PCDH19: variants seen among roughly 807,000 people sequenced by gnomAD.
The protein encoded by PCDH19 is protocadherin 19, also known as protocadherin-19.
A neutral mutation model predicts 46.2 loss-of-function variants in PCDH19; 6 were observed. The ratio of observed to expected loss-of-function variants is 0.13; its 90% confidence interval spans 0.07 to 0.26. The LOEUF (loss-of-function observed/expected upper bound fraction) is 0.26, where lower values mean the gene tolerates loss of function less well. Among genes scored for constraint, PCDH19 ranks in the 10% least tolerant of loss-of-function variants. The pLI is 1.00. For missense variants in PCDH19, 740 were observed against 972.3 expected, an observed-to-expected ratio of 0.76 and a Z score of 3.18; for synonymous variants, 481 against 415.7, an observed-to-expected ratio of 1.16 and a Z score of -1.91.
At chrX:100,357,658 T>G (rs944040447) in intron 3 of PCDH19, among the ~76,000 whole-genome samples, 5 of 112,028 alleles carry the variant, frequency 4.5e-5, no homozygotes, top group African/African-American at 1.3e-4. Context: ...GCCATCTAAT[T>G]TCCCTCATTT....
intron 5 of PCDH19, among the ~76,000 whole-genome samples, chrX:100,339,860 A>G (rs1028314191): frequency 5.3e-5 from 6 of 112,557 alleles, no homozygotes; most frequent in Non-Finnish European, 1.1e-4. Flanking sequence ...TGCAAATCAA[A>G]TAGTAAGAAA....
At chrX:100,358,179 A>G (rs1926773987) in intron 3 of PCDH19, among the ~76,000 whole-genome samples, 1 of 112,133 alleles carries the variant, frequency 8.9e-6, no homozygotes, top group Admixed American at 9.5e-5. Context: ...TGGTGACAAC[A>G]TATGATAGTG....
At chrX:100,399,393 A>C (rs1392440517) in intron 3 of PCDH19, among the ~76,000 whole-genome samples, 1 of 111,574 alleles carries the variant, frequency 9.0e-6, no homozygotes, top group East Asian at 2.8e-4. Flanking sequence ...CTATATTGCA[A>C]ATCACCTATT....
chrX:100,349,657 C>A (rs933720690), intron 4 of PCDH19, among the ~76,000 whole-genome samples: 8 of 112,403 alleles, frequency 7.1e-5, no homozygotes, highest in African/African-American at 2.6e-4. Context: ...CTCTAACATA[C>A]CCTGCTGGCC....
At chrX:100,363,765 T>G (rs1380347929) in intron 3 of PCDH19, among the ~76,000 whole-genome samples, 2 of 100,719 alleles carry the variant, frequency 2.0e-5, no homozygotes, top group African/African-American at 7.2e-5. Context: ...AAAATAAATA[T>G]ATTATATACC....
chrX:100,299,419 A>G (rs1264400362), intron 5 of PCDH19, among the ~76,000 whole-genome samples: 1 of 111,346 alleles, frequency 9.0e-6, no homozygotes, highest in Non-Finnish European at 1.9e-5. Flanking sequence ...GTTTTTTTCA[A>G]CAGCATTCAA....
chrX:100,386,098 A>G (rs1406142184), intron 3 of PCDH19, among the ~76,000 whole-genome samples: 1 of 111,347 alleles, frequency 9.0e-6, no homozygotes, highest in Admixed American at 9.6e-5. Context: ...GGTTGCAGGG[A>G]GCTTTTGTGT....
At chrX:100,318,438 T>C (rs1602580641) in intron 5 of PCDH19, among the ~76,000 whole-genome samples, 2 of 112,167 alleles carry the variant, frequency 1.8e-5, no homozygotes, top group East Asian at 5.6e-4. Context: ...GAGTCCAAGC[T>C]AGCCTTATCA....
rs1157437894 is a variant in PCDH19, at chrX:100,322,861, A to ATTTTTTT, written c.2848+19041_2848+19042insAAAAAAA. Among the ~76,000 whole-genome samples the ATTTTTTT allele has an allele frequency of 1.1e-3, 50 of 44,399 alleles. 4 individuals are homozygous for ATTTTTTT. Among genetic ancestry groups the ATTTTTTT allele is most frequent in the African/African-American group, 2.3e-3 (21 of 9,331 alleles). The allele number at this position is 44,399 out of a possible 115,157, so 38.6% of individuals were successfully genotyped here. On this transcript the variant is annotated intron_variant, in intron 5 of 5. Transcript: ENST00000373034. Reference sequence around the variant, plus strand: ...TATATATATATATATATATATATATATATATTTTTGCAGCTATTGTAAAAG... The same window carrying ATTTTTTT: ...TATATATATATATATATATATATATATTTTTTTTATATTTTTGCAGCTATTGTAAAAG...
chrX:100,321,467 A>G (rs772851050), intron 5 of PCDH19, among the ~76,000 whole-genome samples: 12 of 112,049 alleles, frequency 1.1e-4, no homozygotes, highest in African/African-American at 3.9e-4. Context: ...CCATTCTTGC[A>G]GGAGTAAGGT....
At chrX:100,300,484 T>C (rs1350888855) in intron 5 of PCDH19, among the ~76,000 whole-genome samples, 1 of 111,886 alleles carries the variant, frequency 8.9e-6, no homozygotes, top group Non-Finnish European at 1.9e-5. Flanking sequence ...CTTATGAACC[T>C]ATCTGTGACC....
intron 5 of PCDH19, among the ~76,000 whole-genome samples, chrX:100,326,895 T>C (rs1330313200): frequency 9.0e-6 from 1 of 111,341 alleles, no homozygotes; most frequent in East Asian, 2.8e-4. Flanking sequence ...TCCCCTCTGA[T>C]TCTCCCCTCT....
chrX:100,327,832 T>TGCTGTAAGG (rs1316812729), intron 5 of PCDH19, among the ~76,000 whole-genome samples: 1 of 111,723 alleles, frequency 9.0e-6, no homozygotes, highest in Admixed American at 9.6e-5. Context: ...CTTTCAGTGT[T>TGCTGTAAGG]GCTGTAAGGG....
rs1928547151 is a variant in PCDH19, at chrX:100,409,908, C to A, written c.-1311G>T. 1 of 319,538 alleles carries A rather than the reference C, an allele frequency of 3.1e-6. No individual in the cohort carries two copies. The highest frequency in any genetic ancestry group is 2.8e-5 in the African/African-American group (1 of 36,068). The allele number at this position is 319,538 out of a possible 1,213,427, so 26.3% of individuals were successfully genotyped here. ...TTGGGCTCCCTTCCTCCCGGGCGCT[C>A]GCGCACTCGGGAGGTCTGTCTCGCT... On this transcript the variant is annotated 5_prime_UTR_variant, in exon 1 of 6. Transcript: ENST00000373034.
At chrX:100,350,862 C>T (rs1266452658) in intron 3 of PCDH19, among the ~76,000 whole-genome samples, 158 bp from the exon 4 acceptor site, 1 of 112,665 alleles carries the variant, frequency 8.9e-6, no homozygotes, top group Non-Finnish European at 1.9e-5. Flanking sequence ...CTCCTTCAGG[C>T]CCTAGGGGCT....
chrX:100,322,858 TATA>T lies in PCDH19; in HGVS notation c.2848+19042_2848+19044del, dbSNP rs1237940244. 6.0e-4 allele frequency among the ~76,000 whole-genome samples: 39 copies of T among 64,952 alleles called. 4 individuals carry two copies. The highest frequency in any genetic ancestry group is 2.7e-3 in the African/African-American group (38 of 14,079). 56.4% of individuals were successfully genotyped at this position (64,952 alleles called of 115,157 possible). A position where few individuals can be genotyped will look rare whatever the true frequency, so the allele number is the denominator to read the frequency against. On this transcript the variant is annotated intron_variant, in intron 5 of 5. Transcript: ENST00000373034. The stretch of plus-strand genomic sequence containing the variant: ...GTATATATATATATATATATATATA[TATA>T]TATATTTTTGCAGCTATTGTAAAAG...
chrX:100,311,879 T>C (rs770710638), intron 5 of PCDH19, among the ~76,000 whole-genome samples: 4 of 111,280 alleles, frequency 3.6e-5, no homozygotes, highest in South Asian at 3.7e-4. Context: ...TGGAATACTA[T>C]AGTTGTGATG....
intron 5 of PCDH19, among the ~76,000 whole-genome samples, chrX:100,306,991 T>C (rs1449885922): frequency 2.7e-5 from 3 of 111,731 alleles, no homozygotes; most frequent in African/African-American, 9.8e-5. Context: ...TTGGTACCAA[T>C]CCTATTAACA....
chrX:100,399,608 T>G (rs1164401608), intron 3 of PCDH19, among the ~76,000 whole-genome samples: 2 of 111,093 alleles, frequency 1.8e-5, no homozygotes, highest in Admixed American at 1.9e-4. Flanking sequence ...AGAAAAGAAG[T>G]GTCATTTTCC....
Sources: gnomAD v4.1 joint callset for allele counts (sites outside exome capture counted in the v4.1 genomes callset) on GRCh38, gnomAD v4.1.1 for gene constraint, MANE v1.5 for transcripts, NCBI Gene and HGNC (gene_info 2026-07-23, HGNC 2026-07-21) for gene names.